Variants in DNM3 observed in about 807,000 individuals in gnomAD.
DNM3 encodes dynamin 3, also known as dynamin-3.
A neutral mutation model predicts 101.6 loss-of-function variants in DNM3; 47 were observed. That is an observed-to-expected ratio of 0.46 (90% confidence interval 0.37 to 0.59). The LOEUF (loss-of-function observed/expected upper bound fraction) is 0.59. Ranked by LOEUF, DNM3 falls within the 20% of genes least tolerant of loss-of-function variation. The probability of loss-of-function intolerance (pLI) is 0.00; values close to 1 mark genes in which losing one functional copy is unlikely to be tolerated. For missense variants in DNM3, 849 were observed against 1,085.7 expected (o/e 0.78, Z 3.06); for synonymous variants, 385 against 387.9 (o/e 0.99, Z 0.09).
intron 15 of DNM3, among the ~76,000 whole-genome samples, chr1:172,305,923 T>A (rs1222176873): frequency 6.6e-6 from 1 of 152,200 alleles, no homozygotes; most frequent in Non-Finnish European, 1.5e-5. Flanking sequence ...ACAGCCAGTA[T>A]CATAGTGAAT....
At position 172,071,086 on chromosome 1, in the gene DNM3, C is replaced by CATATATATATAT. The variant is rs56255511; in HGVS notation, c.1422+2204_1422+2215dup. Among the ~76,000 whole-genome samples the CATATATATATAT allele has an allele frequency of 9.5e-3, 619 of 65,022 alleles. 7 individuals carry two copies. Among genetic ancestry groups the CATATATATATAT allele is most frequent in the African/African-American group, 0.013 (168 of 13,014 alleles). The allele number at this position is 65,022 out of a possible 152,430, so 42.7% of individuals were successfully genotyped here. A position where few individuals can be genotyped will look rare whatever the true frequency, so the allele number is the denominator to read the frequency against. On this transcript the variant is annotated intron_variant, in intron 11 of 20. Transcript: ENST00000627582. ...GCCTGGGTGACAGAGCAAGACCCTGCATATATATATATATATATATATATA... is the reference window on the plus strand; with the variant it reads ...GCCTGGGTGACAGAGCAAGACCCTGCATATATATATATATATATATATATATATATATATATA...
chr1:172,126,336 A>T (rs976810036), intron 13 of DNM3, among the ~76,000 whole-genome samples: 1 of 152,220 alleles, frequency 6.6e-6, no homozygotes, highest in Non-Finnish European at 1.5e-5. Context: ...TCTTCACAAC[A>T]TGGCAGCTGT....
At chr1:172,235,308 C>T (rs937763292) in intron 14 of DNM3, among the ~76,000 whole-genome samples, 25 of 152,164 alleles carry the variant, frequency 1.6e-4, no homozygotes, top group Admixed American at 1.6e-3. Context: ...TACCATCTCA[C>T]ACCAGTTAGA....
Position 172,128,974 on chromosome 1 carries a change from A to G in DNM3, c.1546-2201A>G, listed in dbSNP as rs542497861. ...CAAGATCCATTGAAACGCAGGTACT[A>G]TAGTAAGATATCTACTGATACGTAG... On this transcript the variant is annotated intron_variant, in intron 13 of 20. Transcript: ENST00000627582. Among the ~76,000 whole-genome samples the G allele has an allele frequency of 7.9e-5, 12 of 152,328 alleles. No individual in the cohort carries two copies. The South Asian group carries it at 1.5e-3, about 18-fold the overall frequency.
chr1:172,133,597 C>A (rs1374117490), intron 14 of DNM3, among the ~76,000 whole-genome samples: 1 of 152,002 alleles, frequency 6.6e-6, no homozygotes, highest in African/African-American at 2.4e-5. Flanking sequence ...ATGGAGCTAA[C>A]AAGCAAATAG....
rs71561599 is a variant in DNM3, at chr1:171,942,201, A to ATTTTTT, written c.235+20398_235+20403dup. Among the ~76,000 whole-genome samples, 224 of 103,572 alleles carry ATTTTTT rather than the reference A, an allele frequency of 2.2e-3. 9 individuals are homozygous for ATTTTTT. The highest frequency in any genetic ancestry group is 5.8e-3 in the African/African-American group (156 of 26,826). The allele number at this position is 103,572 out of a possible 152,430, so 67.9% of individuals were successfully genotyped here. ...AATGTTTTTAAATGCTGCTCACTTGATTTTTTTTTTTTTTTTTTTTTTTAT... is the reference window on the plus strand; with the variant it reads ...AATGTTTTTAAATGCTGCTCACTTGATTTTTTTTTTTTTTTTTTTTTTTTTTTTTAT... On this transcript the variant is annotated intron_variant, in intron 2 of 20. Transcript: ENST00000627582.
intron 20 of DNM3, chr1:172,394,167 G>A (rs2069768630): frequency 6.6e-6 from 1 of 152,210 alleles, no homozygotes; most frequent in African/African-American, 2.4e-5. Flanking sequence ...TCTGGTTTAA[G>A]TGAAAGTAAA....
intron 15 of DNM3, among the ~76,000 whole-genome samples, chr1:172,275,177 T>C (rs2063233749): frequency 6.6e-6 from 1 of 152,006 alleles, no homozygotes; most frequent in South Asian, 2.1e-4. Flanking sequence ...TCAAAGTGTA[T>C]ATCACTTATA....
intron 15 of DNM3, among the ~76,000 whole-genome samples, chr1:172,302,081 A>G (rs1366767187): frequency 6.6e-6 from 1 of 152,100 alleles, no homozygotes; most frequent in Non-Finnish European, 1.5e-5. Flanking sequence ...GTAGGGCATC[A>G]CCTCACCTGG....
chr1:172,106,844 A>ATTTTTT (rs1289662689), intron 13 of DNM3, among the ~76,000 whole-genome samples: 310 of 50,692 alleles, frequency 6.1e-3, no homozygotes, highest in Non-Finnish European at 7.1e-3. Flanking sequence ...AGGTAACATT[A>ATTTTTT]TTCTTTTTTT....
At chr1:171,878,170 C>T (rs1166748854) in intron 1 of DNM3, among the ~76,000 whole-genome samples, 1 of 151,708 alleles carries the variant, frequency 6.6e-6, no homozygotes, top group African/African-American at 2.4e-5. Context: ...CTTCCAACTC[C>T]CCAAAAGTAA....
At chr1:172,098,230 C>T (rs116824477) in intron 13 of DNM3, among the ~76,000 whole-genome samples, 1,877 of 152,240 alleles carry the variant, frequency 0.012, 20 homozygotes, top group Non-Finnish European at 0.017. Flanking sequence ...CCGTAAAAGA[C>T]AGCCACCCCC....
intron 14 of DNM3, among the ~76,000 whole-genome samples, chr1:172,168,471 T>C (rs1236287311): frequency 1.3e-5 from 2 of 151,982 alleles, no homozygotes; most frequent in Non-Finnish European, 1.5e-5. Context: ...AATTGCCTGA[T>C]TGAGAACAGC....
chr1:172,137,249 A>G (rs1196746572), intron 14 of DNM3: 1 of 152,064 alleles, frequency 6.6e-6, no homozygotes, highest in Non-Finnish European at 1.5e-5. Flanking sequence ...TAATTTTTAT[A>G]TTGTCTTCCT....
At chr1:172,089,614 G>A (rs2053771840) in intron 12 of DNM3, among the ~76,000 whole-genome samples, 1 of 152,198 alleles carries the variant, frequency 6.6e-6, no homozygotes, top group Non-Finnish European at 1.5e-5. Flanking sequence ...GAATGTTTAA[G>A]TTTATGGGGC....
At chr1:171,933,873 G>A (rs1156915186) in intron 2 of DNM3, among the ~76,000 whole-genome samples, 1 of 152,104 alleles carries the variant, frequency 6.6e-6, no homozygotes, top group Non-Finnish European at 1.5e-5. Context: ...GCAACCAAAT[G>A]GAAAAAGGAA....
At position 172,275,906 on chromosome 1, in the gene DNM3, G is replaced by A. The variant is rs181013669; in HGVS notation, c.1769+22224G>A. On this transcript the variant is annotated intron_variant, in intron 15 of 20. Transcript: ENST00000627582. ...ATGAAAGTTGCCTTATGGAACTGAA[G>A]GACTCGCATTCTGCGTTGTCTTTCC... Among the ~76,000 whole-genome samples, 378 of 152,260 alleles carry A rather than the reference G, an allele frequency of 2.5e-3. 1 individual carries two copies. Among genetic ancestry groups the A allele is most frequent in the African/African-American group, 8.5e-3 (354 of 41,570 alleles).
At chr1:171,941,667 G>T (rs1393972032) in intron 2 of DNM3, among the ~76,000 whole-genome samples, 2 of 152,228 alleles carry the variant, frequency 1.3e-5, no homozygotes, top group African/African-American at 4.8e-5. Context: ...GCAGAGACCA[G>T]TGTGTAAAGC....
At chr1:172,386,277 CA>C (rs1488686667) in intron 18 of DNM3, among the ~76,000 whole-genome samples, 25 of 151,608 alleles carry the variant, frequency 1.6e-4, no homozygotes, top group Admixed American at 6.6e-4. Context: ...TCTGAATAGT[CA>C]GCACATATGA....
Sources: allele counts gnomAD v4.1 joint callset (sites outside exome capture counted in the v4.1 genomes callset), GRCh38; gene constraint gnomAD v4.1.1; transcripts MANE v1.5; gene names NCBI Gene and HGNC (gene_info 2026-07-23, HGNC 2026-07-21).